Variants in SGCD observed in about 807,000 individuals in gnomAD.
SGCD encodes sarcoglycan delta, also known as delta-sarcoglycan.
Under a neutral mutation model 36.6 loss-of-function variants are expected in SGCD, and 18 were observed. The ratio of observed to expected loss-of-function variants is 0.49; its 90% confidence interval spans 0.34 to 0.73. SGCD has a LOEUF of 0.73. SGCD is among the 30% of genes least tolerant of loss of function. The pLI is 0.01. For synonymous variants in SGCD, 133 were observed against 130.6 expected (o/e 1.02, Z -0.12); for missense variants, 387 against 346.7 (o/e 1.12, Z -0.92).
intron 3 of SGCD, among the ~76,000 whole-genome samples, chr5:156,297,494 T>C (rs1352906076): frequency 2.0e-5 from 3 of 151,820 alleles, no homozygotes; most frequent in African/African-American, 7.3e-5. Flanking sequence ...TGTAGGGACA[T>C]GGATGAAATT....
At chr5:156,381,658 TA>T (rs1770985534) in intron 3 of SGCD, among the ~76,000 whole-genome samples, 1 of 152,328 alleles carries the variant, frequency 6.6e-6, no homozygotes, top group South Asian at 2.1e-4. Flanking sequence ...GTGTCTGTGT[TA>T]AAAGGTACAC....
intron 4 of SGCD, among the ~76,000 whole-genome samples, chr5:156,586,063 G>T (rs1581211328): frequency 6.9e-6 from 1 of 144,108 alleles, no homozygotes; most frequent in East Asian, 2.1e-4. Flanking sequence ...TTACTTTGGT[G>T]TTTTTTTTTT....
At chr5:155,755,557 G>A in the SGCD span, among the ~76,000 whole-genome samples, 1 of 152,186 alleles carries the variant, frequency 6.6e-6, no homozygotes, top group African/African-American at 2.4e-5. Context: ...GCATAGTGAT[G>A]GGTAAGTTGA....
chr5:156,360,479 C>T (rs1769728394), intron 3 of SGCD, among the ~76,000 whole-genome samples: 2 of 152,260 alleles, frequency 1.3e-5, no homozygotes, highest in African/African-American at 2.4e-5. Flanking sequence ...AACTCCTGAC[C>T]TCAGGTGATC....
rs1434715360 is a variant in SGCD at position 156,423,306 on chromosome 5, TTTA to T, written c.192+78634_192+78636del. ...TATATTTTATTATAATATAATATAT[TTTA>T]TTATAATATAATATATTTTATTATA... On this transcript the variant is annotated intron_variant, in intron 3 of 8. Coordinates refer to ENST00000337851, the MANE Select transcript of SGCD (RefSeq NM_000337.6). Among the ~76,000 whole-genome samples the T allele has an allele frequency of 1.0e-4, 10 of 97,428 alleles. No homozygotes were observed. The Admixed American group carries it at 1.3e-3, about 13-fold the overall frequency. 63.9% of individuals were successfully genotyped at this position (97,428 alleles called of 152,430 possible). A position where few individuals can be genotyped will look rare whatever the true frequency, so the allele number is the denominator to read the frequency against.
At chr5:155,943,276 C>T (rs1000201660) in intron 1 of SGCD, among the ~76,000 whole-genome samples, 11 of 152,116 alleles carry the variant, frequency 7.2e-5, no homozygotes, top group African/African-American at 2.7e-4. Flanking sequence ...ACATAGTCCC[C>T]AATAACATTT....
intron 7 of SGCD, among the ~76,000 whole-genome samples, chr5:156,741,317 T>A (rs1756661692): frequency 6.6e-6 from 1 of 152,206 alleles, no homozygotes; most frequent in Non-Finnish European, 1.5e-5. Context: ...AACAAACTGA[T>A]AATGCCAACA....
chr5:156,703,314 A>G (rs929114614), intron 7 of SGCD, among the ~76,000 whole-genome samples: 1 of 152,140 alleles, frequency 6.6e-6, no homozygotes, highest in Non-Finnish European at 1.5e-5. Context: ...TTTAGAATCT[A>G]TAGTGGGTGC....
At chr5:156,518,748 A>G (rs1757286409) in intron 4 of SGCD, among the ~76,000 whole-genome samples, 1 of 152,208 alleles carries the variant, frequency 6.6e-6, no homozygotes, top group Non-Finnish European at 1.5e-5. Flanking sequence ...CCTGTTCCCA[A>G]GTGACTCCTG....
chr5:155,925,031 A>G (rs1756968433), intron 1 of SGCD, among the ~76,000 whole-genome samples: 1 of 152,150 alleles, frequency 6.6e-6, no homozygotes, highest in Non-Finnish European at 1.5e-5. Context: ...CAAAATGAGG[A>G]AATTAAGAAT....
rs533494561 is a variant in SGCD at position 156,069,416 on chromosome 5, C to T, written c.-281-48462C>T. 2.0e-4 allele frequency among the ~76,000 whole-genome samples: 31 copies of T among 152,120 alleles called. No individual in the cohort carries two copies. In the South Asian group the frequency reaches 3.7e-3, roughly 18 times the overall value. ...CATTGCTTGTTTTTCTCAGGTTTGT[C>T]GAAGATCAGATAGTTGTAGATATGT... On this transcript the variant is annotated intron_variant, in intron 1 of 9. Transcript: ENST00000517913.
At chr5:156,146,426 A>C (rs929162972) in intron 3 of SGCD, among the ~76,000 whole-genome samples, 7 of 152,192 alleles carry the variant, frequency 4.6e-5, no homozygotes, top group African/African-American at 1.7e-4. Context: ...AATGGAAACA[A>C]AGGTACTTGA....
intron 6 of SGCD, among the ~76,000 whole-genome samples, chr5:156,635,992 A>C (rs560254475): frequency 6.6e-6 from 1 of 152,102 alleles, no homozygotes; most frequent in Non-Finnish European, 1.5e-5. Context: ...ATATGTAACA[A>C]ACCTGCCGGT....
intron 3 of SGCD, among the ~76,000 whole-genome samples, chr5:156,296,154 G>A (rs1766888458): frequency 6.6e-6 from 1 of 152,192 alleles, no homozygotes; most frequent in Admixed American, 6.6e-5. Context: ...ACTGAAAGGT[G>A]ATCACTCTGT....
In SGCD at chr5:156,240,191, C is replaced by A. The variant is rs577455704; in HGVS notation, c.-43-89343C>A. On this transcript the variant is annotated intron_variant, in intron 3 of 9. Transcript: ENST00000517913. ...GGGACAAACAAAGCTCATTTATTGT[C>A]TGTATCCAGTCTGCAGGCCACCAAT... 3.3e-5 allele frequency among the ~76,000 whole-genome samples: 5 copies of A among 152,238 alleles called. No homozygotes were observed. In the South Asian group the frequency reaches 1.0e-3, roughly 32 times the overall value.
the SGCD span, among the ~76,000 whole-genome samples, chr5:155,781,723 G>A: frequency 6.6e-6 from 1 of 151,964 alleles, no homozygotes. Flanking sequence ...AGCCCACCTC[G>A]GCCTCCCAAA....
chr5:156,069,314 A>G (rs1760454655), intron 1 of SGCD, among the ~76,000 whole-genome samples: 1 of 152,096 alleles, frequency 6.6e-6, no homozygotes, highest in South Asian at 2.1e-4. Context: ...GGTGTAGGGA[A>G]GGGATCCATT....
intron 7 of SGCD, among the ~76,000 whole-genome samples, chr5:156,677,096 G>A (rs1236614652): frequency 6.6e-6 from 1 of 152,216 alleles, no homozygotes; most frequent in East Asian, 1.9e-4. Flanking sequence ...TTTTCCAGAT[G>A]AGGAGTCAAA....
At chr5:155,926,399 T>G (rs1367626711) in intron 1 of SGCD, among the ~76,000 whole-genome samples, 1 of 152,198 alleles carries the variant, frequency 6.6e-6, no homozygotes, top group Non-Finnish European at 1.5e-5. Flanking sequence ...CAGCAAAGAT[T>G]GAGCTAACAA....
Sources: allele counts gnomAD v4.1 joint callset (sites outside exome capture counted in the v4.1 genomes callset), GRCh38; gene constraint gnomAD v4.1.1; transcripts MANE v1.5; gene names NCBI Gene and HGNC (gene_info 2026-07-23, HGNC 2026-07-21).